SYT1: variants seen among roughly 807,000 people sequenced by gnomAD.
SYT1 encodes the protein synaptotagmin-1.
In SYT1, 8 loss-of-function variants were observed where a neutral mutation model predicts 44.8. That is an observed-to-expected ratio of 0.18 (90% CI 0.10 to 0.32). The LOEUF (loss-of-function observed/expected upper bound fraction) is 0.32, where lower values mean the gene tolerates loss of function less well. Ranked by LOEUF, SYT1 falls within the 10% of genes least tolerant of loss-of-function variation. The pLI, the probability that SYT1 is intolerant of heterozygous loss-of-function variation, is 1.00. For missense variants in SYT1, 286 were observed against 509.3 expected (o/e 0.56, Z 4.22); for synonymous variants, 154 against 188.8 (o/e 0.82, Z 1.51).
chr12:79,247,249 G>C (rs1159082777), intron 4 of SYT1, among the ~76,000 whole-genome samples: 2 of 152,096 alleles, frequency 1.3e-5, no homozygotes, highest in Non-Finnish European at 2.9e-5. Context: ...TTTCTCACCT[G>C]TATAGAAAAT....
In SYT1 at chr12:78,895,787, A is replaced by G. The variant is rs1341370655; in HGVS notation, c.-217+30678A>G. ...CAAGTTTTAGTCCATATTTTGATCT[A>G]TGGTCTAAATTGAAGTTTATTGATT... On this transcript the variant is annotated intron_variant, in intron 1 of 10. Coordinates refer to ENST00000261205, the MANE Select transcript of SYT1 (RefSeq NM_005639.3). Among the ~76,000 whole-genome samples, 3 of 151,816 alleles carry G rather than the reference A, an allele frequency of 2.0e-5. No homozygotes were observed. In the East Asian group the frequency reaches 5.8e-4, roughly 29 times the overall value.
intron 8 of SYT1, among the ~76,000 whole-genome samples, chr12:79,343,588 A>G (rs57367034): frequency 0.01 from 1,533 of 152,330 alleles, 26 homozygotes; most frequent in African/African-American, 0.034. Context: ...ATGTTGTTAC[A>G]AAGTCACTGA....
chr12:79,253,746 G>A (rs1202776191), intron 4 of SYT1, among the ~76,000 whole-genome samples: 2 of 152,048 alleles, frequency 1.3e-5, no homozygotes, highest in African/African-American at 2.4e-5. Flanking sequence ...AGTTGTGAAC[G>A]TAAAGGAAAA....
chr12:79,064,036 C>T (rs1433127815), intron 3 of SYT1, among the ~76,000 whole-genome samples: 2 of 152,092 alleles, frequency 1.3e-5, no homozygotes, highest in East Asian at 1.9e-4. Flanking sequence ...CTTATCCCTA[C>T]CATTCCGGAG....
At chr12:78,990,850 T>A (rs1044853752) in intron 2 of SYT1, among the ~76,000 whole-genome samples, 10 of 152,128 alleles carry the variant, frequency 6.6e-5, no homozygotes, top group African/African-American at 2.4e-4. Context: ...GAAAATATGG[T>A]ATGCACGCTG....
In SYT1 at chr12:78,938,312, C is replaced by T. The variant is rs190574348; in HGVS notation, c.-216-39487C>T. Among the ~76,000 whole-genome samples the T allele has an allele frequency of 9.2e-5, 14 of 152,184 alleles. No individual in the cohort carries two copies. In the East Asian group the frequency reaches 2.3e-3, roughly 25 times the overall value. On this transcript the variant is annotated intron_variant, in intron 1 of 10. Transcript: ENST00000261205. Reference sequence around the variant, plus strand: ...CCAGATCATGCCAGTATTCAGTAAGCCATGTCTGACAACTCACCCTTTCCT... The same window carrying T: ...CCAGATCATGCCAGTATTCAGTAAGTCATGTCTGACAACTCACCCTTTCCT...
rs1879311957 is a variant in SYT1 at position 79,286,311 on chromosome 12, G to C, written c.351+340G>C. The stretch of plus-strand genomic sequence containing the variant: ...GAGTTAGAAAAATCAGATAAAAAGT[G>C]CCTGAGTGTTTTGCATTTGGGCAGG... On this transcript the variant is annotated intron_variant, in intron 5 of 10. Coordinates refer to ENST00000261205, the MANE Select transcript of SYT1 (RefSeq NM_005639.3). Among the ~76,000 whole-genome samples the C allele has an allele frequency of 2.0e-5, 3 of 152,206 alleles. No homozygotes were observed. The South Asian group carries it at 6.2e-4, about 32-fold the overall frequency.
intron 4 of SYT1, among the ~76,000 whole-genome samples, chr12:79,270,158 A>AT (rs1458219270): frequency 6.6e-6 from 1 of 152,164 alleles, no homozygotes; most frequent in Non-Finnish European, 1.5e-5. Flanking sequence ...TTTGAAAAAG[A>AT]TTTTTTGTGC....
Position 79,081,054 on chromosome 12 carries a change from G to A in SYT1, c.-18+33692G>A, listed in dbSNP as rs541014933. On this transcript the variant is annotated intron_variant, in intron 3 of 10. Coordinates refer to ENST00000261205, the MANE Select transcript of SYT1 (RefSeq NM_005639.3). ...TATGTTAGGTCAGTGCAGAGGCTGA[G>A]GGTGGTGGGAATGGGTCTGTAAAGG... Among the ~76,000 whole-genome samples, 7 of 152,310 alleles carry A rather than the reference G, an allele frequency of 4.6e-5. No homozygotes were observed. In the South Asian group the frequency reaches 1.5e-3, roughly 32 times the overall value.
intron 9 of SYT1, among the ~76,000 whole-genome samples, chr12:79,372,027 A>C (rs1262988036): frequency 2.0e-5 from 3 of 152,174 alleles, no homozygotes; most frequent in African/African-American, 7.2e-5. Flanking sequence ...CATTCATGAG[A>C]ATGAATTGTT....
chr12:79,109,655 A>G lies in SYT1; in HGVS notation c.-18+62293A>G, dbSNP rs1455569303. ...AGCATAATAGAGATTAAGTATTTAC[A>G]GTTTCCTTCTTTAAAGTATCTTTCT... On this transcript the variant is annotated intron_variant, in intron 3 of 10. Transcript: ENST00000261205. Among the ~76,000 whole-genome samples, 4 of 152,206 alleles carry G rather than the reference A, an allele frequency of 2.6e-5. No homozygotes were observed. In the East Asian group the frequency reaches 5.8e-4, roughly 22 times the overall value.
At chr12:79,043,552 C>T (rs1353602021) in intron 2 of SYT1, among the ~76,000 whole-genome samples, 1 of 151,100 alleles carries the variant, frequency 6.6e-6, no homozygotes, top group Non-Finnish European at 1.5e-5. Context: ...CTGAATACAG[C>T]ACACTGATGG....
At chr12:79,189,897 G>C (rs1969485) in intron 3 of SYT1, among the ~76,000 whole-genome samples, 151,139 of 152,264 alleles carry the variant, frequency 0.99, 75,018 homozygotes, top group Middle Eastern at 1. Flanking sequence ...GAACAAGACT[G>C]TGTCTCAAAA....
At chr12:78,956,773 G>A (rs1430521864) in intron 1 of SYT1, among the ~76,000 whole-genome samples, 2 of 152,028 alleles carry the variant, frequency 1.3e-5, no homozygotes, top group Non-Finnish European at 2.9e-5. Context: ...CTTGACATAA[G>A]TTCTATCAAG....
intron 9 of SYT1, among the ~76,000 whole-genome samples, chr12:79,407,232 C>T (rs1885274450): frequency 6.6e-6 from 1 of 152,062 alleles, no homozygotes; most frequent in Non-Finnish European, 1.5e-5. Context: ...ACTCTGTGTA[C>T]TTATACCACT....
intron 4 of SYT1, among the ~76,000 whole-genome samples, chr12:79,234,435 T>C (rs919704691): frequency 1.3e-5 from 2 of 152,266 alleles, no homozygotes; most frequent in African/African-American, 4.8e-5. Flanking sequence ...CCTCTAGTTA[T>C]GGGCAGTTAT....
intron 4 of SYT1, among the ~76,000 whole-genome samples, chr12:79,262,009 G>A (rs901409045): frequency 1.3e-5 from 2 of 152,076 alleles, no homozygotes; most frequent in African/African-American, 4.8e-5. Flanking sequence ...CTGACATAGT[G>A]CCAAAATAAC....
At chr12:79,410,126 C>CCTAT (rs1346736807) in intron 9 of SYT1, among the ~76,000 whole-genome samples, 1 of 151,932 alleles carries the variant, frequency 6.6e-6, no homozygotes, top group Non-Finnish European at 1.5e-5. Context: ...CCTGAAGCAC[C>CCTAT]CTATCCCTCT....
rs374123329 is a variant in SYT1 at position 78,886,581 on chromosome 12, A to G, written c.-217+21472A>G. On this transcript the variant is annotated intron_variant, in intron 1 of 10. Coordinates refer to ENST00000261205, the MANE Select transcript of SYT1 (RefSeq NM_005639.3). ...TGTTTGTAACCATATGCCTGTGATG[A>G]TCTATATTTTAATCAGTACATACTC... Among the ~76,000 whole-genome samples the G allele has an allele frequency of 1.1e-4, 16 of 152,068 alleles. No homozygotes were observed. The East Asian group carries it at 1.6e-3, about 15-fold the overall frequency.
Sources: gnomAD v4.1 joint callset for allele counts (sites outside exome capture counted in the v4.1 genomes callset) on GRCh38, gnomAD v4.1.1 for gene constraint, MANE v1.5 for transcripts, NCBI Gene and HGNC (gene_info 2026-07-23, HGNC 2026-07-21) for gene names.